OPALIN: variants seen among roughly 807,000 people sequenced by gnomAD.
OPALIN encodes oligodendrocytic myelin paranodal and inner loop protein.
OPALIN carries 15 observed loss-of-function variants against 17.8 expected under a neutral mutation model. That is an observed-to-expected ratio of 0.84 (90% CI 0.56 to 1.29). OPALIN has a LOEUF of 1.29. Among genes scored for constraint, OPALIN ranks in the 50% most tolerant of loss-of-function variants. OPALIN has a pLI of 0.00. For missense variants in OPALIN, 170 were observed against 176.0 expected, an observed-to-expected ratio of 0.97 and a Z score of 0.19; for synonymous variants, 62 against 63.8, an observed-to-expected ratio of 0.97 and a Z score of 0.14.
At position 96,344,383 on chromosome 10, in the gene OPALIN, T is replaced by C. The variant is rs553393854; in HGVS notation, c.*1558A>G. 6.6e-6 allele frequency: 1 copy of C among 150,816 alleles called. No homozygotes were observed. The highest frequency in any genetic ancestry group is 2.1e-4 in the South Asian group (1 of 4,764). 9.3% of individuals were successfully genotyped at this position (150,816 alleles called of 1,614,324 possible). A position where few individuals can be genotyped will look rare whatever the true frequency, so the allele number is the denominator to read the frequency against. On this transcript the variant is annotated 3_prime_UTR_variant, in exon 6 of 6. Transcript: ENST00000371172. Reference sequence around the variant, plus strand: ...GGTGTGTGGTAGGGTAGCTGACACATGTTAGAAGGAAGTCTGCCCAAAGAC... The same window carrying C: ...GGTGTGTGGTAGGGTAGCTGACACACGTTAGAAGGAAGTCTGCCCAAAGAC...
chr10:96,347,515 C>T (rs188879029), intron 5 of OPALIN, among the ~76,000 whole-genome samples: 16 of 151,314 alleles, frequency 1.1e-4, no homozygotes, highest in Admixed American at 3.3e-4. Context: ...TCTTGTCACC[C>T]GGCTGGAGTG....
chr10:96,349,795 C>T lies in OPALIN; in HGVS notation c.104G>A (p.Gly35Asp). Residue 35 changes from glycine (G) to aspartate (D), a missense_variant, in exon 4 of 6, where the codon GGC (glycine) becomes GAC (aspartate). By Grantham distance (94) the Gly-to-Asp change is moderately conservative. Coordinates refer to ENST00000371172, the MANE Select transcript of OPALIN (RefSeq NM_033207.5). ...DCGPSLGLAAGIPLLVATALL... is the reference protein window; with the variant it reads ...DCGPSLGLAADIPLLVATALL... ...GGCTGTGGCCACCAGCAATGGTATGCCCGCCGCTAATCCAAGAGAGGGCCC... is the reference window on the plus strand; with the variant it reads ...GGCTGTGGCCACCAGCAATGGTATGTCCGCCGCTAATCCAAGAGAGGGCCC... 6.2e-7 allele frequency: 1 copy of T among 1,613,062 alleles called. No homozygotes were observed. Among genetic ancestry groups the T allele is most frequent in the South Asian group, 1.1e-5 (1 of 91,006 alleles).
chr10:96,356,760 G>T, intron 1 of OPALIN: 1 of 392,942 alleles, frequency 2.5e-6, no homozygotes, highest in Non-Finnish European at 3.5e-6. Context: ...AATCAACGTG[G>T]CCCTGCTCAA....
chr10:96,358,775 T>C (rs1845908113), intron 1 of OPALIN, 119 bp downstream of exon 1: 1 of 1,019,432 alleles, frequency 9.8e-7, no homozygotes, highest in Non-Finnish European at 1.5e-6. Context: ...GTATTTTGCA[T>C]ATAGGAAAAT....
chr10:96,354,550 T>C (rs1233866868), intron 2 of OPALIN, among the ~76,000 whole-genome samples: 6 of 152,100 alleles, frequency 3.9e-5, no homozygotes. Flanking sequence ...TTATAAAGAC[T>C]AGTGGAAAAC....
In OPALIN at chr10:96,355,261, C is replaced by A. The variant is rs760203194; in HGVS notation, c.33G>T (p.Ala11=). The A allele has an allele frequency of 6.2e-6, 10 of 1,613,756 alleles. No homozygotes were observed. The South Asian group carries it at 6.6e-5, about 11-fold the overall frequency. Residue 11 remains alanine (A), a synonymous_variant, in exon 2 of 6, where the codon GCG becomes GCT. Coordinates refer to ENST00000371172, the MANE Select transcript of OPALIN (RefSeq NM_033207.5). The part of the protein sequence containing the change: MSFSLNFTLP[A]NTTSSPVTGG... The stretch of plus-strand genomic sequence containing the variant: ...TGGGGGCTGCTGTACTTACTGTGTT[C>A]GCCGGCAGGGTGAAGTTCAGTGAAA...
intron 5 of OPALIN, among the ~76,000 whole-genome samples, chr10:96,346,650 AT>A (rs1284877676): frequency 1.3e-5 from 2 of 152,104 alleles, no homozygotes. Context: ...TTTATTTCAT[AT>A]AGATTTTAGA....
chr10:96,355,088 C>T (rs1401009833), intron 2 of OPALIN, among the ~76,000 whole-genome samples, 167 bp downstream of exon 2: 1 of 93,576 alleles, frequency 1.1e-5, no homozygotes, highest in Non-Finnish European at 1.9e-5. Flanking sequence ...CAGAGCAAGA[C>T]CTTGTCTCAA....
intron 5 of OPALIN, among the ~76,000 whole-genome samples, chr10:96,347,596 C>A (rs181421390): frequency 1.3e-5 from 2 of 151,602 alleles, no homozygotes; most frequent in African/African-American, 2.4e-5. Context: ...CTCAGCCTCC[C>A]GAGTAGCTGG....
chr10:96,349,961 TGAA>T, intron 3 of OPALIN, 135 bp from the exon 4 acceptor site: 16 of 921,614 alleles, frequency 1.7e-5, no homozygotes, highest in Non-Finnish European at 2.4e-5. Context: ...AAAAGGGTAA[TGAA>T]ATACTGTGCA....
intron 4 of OPALIN, among the ~76,000 whole-genome samples, chr10:96,349,482 C>A (rs544031539): frequency 2.6e-5 from 4 of 152,344 alleles, no homozygotes; most frequent in African/African-American, 9.6e-5. Flanking sequence ...CAAATACCAT[C>A]TTTGTCAGGA....
intron 4 of OPALIN, 105 bp downstream of exon 4, chr10:96,349,602 G>T: frequency 7.6e-7 from 1 of 1,307,378 alleles, no homozygotes; most frequent in Non-Finnish European, 1.0e-6. Context: ...TTGTCCTCAG[G>T]AAATAGACAT....
intron 2 of OPALIN, among the ~76,000 whole-genome samples, chr10:96,354,398 A>G (rs879922316): frequency 6.6e-6 from 1 of 152,238 alleles, no homozygotes; most frequent in Non-Finnish European, 1.5e-5. Context: ...TTAAATGCAG[A>G]TAAGGATTCT....
rs988280950 is a variant in OPALIN, at chr10:96,345,700, G to A, written c.*241C>T. ...CAAATTCCCACTGGGAGCAGGAATA[G>A]GATCTAAGGACCCCATCTGGTGAGT... On this transcript the variant is annotated 3_prime_UTR_variant, in exon 6 of 6. Coordinates refer to ENST00000371172, the MANE Select transcript of OPALIN (RefSeq NM_033207.5). 2.6e-6 allele frequency: 1 copy of A among 390,228 alleles called. No individual in the cohort carries two copies. Among genetic ancestry groups the A allele is most frequent in the Non-Finnish European group, 4.5e-6 (1 of 220,940 alleles). The allele number at this position is 390,228 out of a possible 1,614,324, so 24.2% of individuals were successfully genotyped here. A position where few individuals can be genotyped will look rare whatever the true frequency, so the allele number is the denominator to read the frequency against.
chr10:96,355,687 T>G (rs1845790035), intron 1 of OPALIN, among the ~76,000 whole-genome samples: 1 of 152,242 alleles, frequency 6.6e-6, no homozygotes. Context: ...TTTAGAAGTA[T>G]TTTGTGTTTT....
chr10:96,355,919 T>G (rs1452877088), intron 1 of OPALIN, among the ~76,000 whole-genome samples: 1 of 152,206 alleles, frequency 6.6e-6, no homozygotes, highest in Non-Finnish European at 1.5e-5. Flanking sequence ...GGAGTCCAAA[T>G]TTAAAGATCG....
At chr10:96,353,928 C>A (rs1280716259) in intron 2 of OPALIN, among the ~76,000 whole-genome samples, 3 of 152,168 alleles carry the variant, frequency 2.0e-5, no homozygotes, top group Admixed American at 6.5e-5. Flanking sequence ...ATTCAGTTCA[C>A]AGAGGTCTGG....
intron 1 of OPALIN, chr10:96,357,051 G>T (rs375795587): frequency 3.0e-6 from 3 of 985,382 alleles, no homozygotes; most frequent in Non-Finnish European, 2.4e-6. Context: ...ACACAGGGAC[G>T]TCTGGGCCTC....
At chr10:96,356,201 C>T (rs1260739395) in intron 1 of OPALIN, among the ~76,000 whole-genome samples, 1 of 152,210 alleles carries the variant, frequency 6.6e-6, no homozygotes, top group Non-Finnish European at 1.5e-5. Context: ...TGGCTGGGCC[C>T]TCCTTCAGCC....
Sources: gnomAD v4.1 joint callset for allele counts (sites outside exome capture counted in the v4.1 genomes callset) on GRCh38, gnomAD v4.1.1 for gene constraint, MANE v1.5 for transcripts, NCBI Gene and HGNC (gene_info 2026-07-23, HGNC 2026-07-21) for gene names.